ARMC2: variants seen among roughly 807,000 people sequenced by gnomAD.
ARMC2 encodes armadillo repeat-containing protein 2.
A neutral mutation model predicts 90.3 loss-of-function variants in ARMC2; 67 were observed. That is an observed-to-expected ratio of 0.74 (90% CI 0.61 to 0.91). The LOEUF (loss-of-function observed/expected upper bound fraction) is 0.91, where lower values mean the gene tolerates loss of function less well. ARMC2 is among the 40% of genes least tolerant of loss of function. The pLI is 0.00. For synonymous variants in ARMC2, 393 were observed against 393.0 expected (o/e 1.00, Z 0.00); for missense variants, 920 against 1,030.9 (o/e 0.89, Z 1.47).
chr6:109,008,937 T>A, the ARMC2 span: 2 of 990,876 alleles, frequency 2.0e-6, no homozygotes, highest in Non-Finnish European at 2.4e-6. Flanking sequence ...GGCTAAATAA[T>A]CTGTTTTCAC....
In ARMC2 at chr6:108,965,058, C is replaced by T. The variant is rs1778266094; in HGVS notation, c.2364C>T (p.Phe788=). 6.2e-7 allele frequency: 1 copy of T among 1,613,574 alleles called. No individual in the cohort carries two copies. The highest frequency in any genetic ancestry group is 1.3e-5 in the African/African-American group (1 of 74,916). ...ACLVCKTLWN[F]SENITNASSC... is the part of the protein sequence containing the mutation. The stretch of plus-strand genomic sequence containing the variant: ...TGGTTTGTAAAACTTTATGGAACTT[C>T]AGTGAAAACATCACTAATGCTTCGT... Residue 788 remains phenylalanine (F), a synonymous_variant, in exon 17 of 18, where the codon TTC becomes TTT. Coordinates refer to ENST00000392644, the MANE Select transcript of ARMC2 (RefSeq NM_032131.6).
intron 13 of ARMC2, among the ~76,000 whole-genome samples, chr6:108,954,926 G>C (rs1183437630): frequency 6.6e-6 from 1 of 152,234 alleles, no homozygotes; most frequent in African/African-American, 2.4e-5. Context: ...CTGAGACCGA[G>C]ATGCCGGCAG....
At chr6:108,942,405 A>T (rs1160293887) in intron 12 of ARMC2, among the ~76,000 whole-genome samples, 1 of 152,110 alleles carries the variant, frequency 6.6e-6, no homozygotes, top group Non-Finnish European at 1.5e-5. Context: ...TCTTAGTTTC[A>T]TGTTTCCCAT....
chr6:109,003,486 G>A, the ARMC2 span, among the ~76,000 whole-genome samples: 2 of 152,042 alleles, frequency 1.3e-5, no homozygotes, highest in African/African-American at 4.8e-5. Flanking sequence ...AAGCAGGAAG[G>A]ACAAAAGTGA....
At chr6:109,025,235 C>A in the ARMC2 span, among the ~76,000 whole-genome samples, 2 of 151,942 alleles carry the variant, frequency 1.3e-5, no homozygotes, top group Admixed American at 6.6e-5. Flanking sequence ...GGGGTAAAAT[C>A]TCCCCTGAAT....
chr6:108,876,713 G>A (rs1434293982), intron 5 of ARMC2, among the ~76,000 whole-genome samples: 5 of 152,150 alleles, frequency 3.3e-5, no homozygotes, highest in Admixed American at 1.3e-4. Context: ...CTCCCTTTGG[G>A]TTAGTTCACA....
At chr6:108,964,738 C>T (rs748273319) in intron 16 of ARMC2, among the ~76,000 whole-genome samples, 2 of 151,538 alleles carry the variant, frequency 1.3e-5, no homozygotes, top group African/African-American at 2.4e-5. Flanking sequence ...TGCGGTGAGC[C>T]GAGATCGCGC....
chr6:108,935,126 C>T (rs919065055), intron 11 of ARMC2, among the ~76,000 whole-genome samples: 11 of 152,150 alleles, frequency 7.2e-5, no homozygotes, highest in Non-Finnish European at 1.3e-4. Flanking sequence ...CTTGCCTCTT[C>T]ATTGTTAATA....
intron 3 of ARMC2, among the ~76,000 whole-genome samples, chr6:108,859,860 T>C (rs71558332): frequency 6.6e-5 from 10 of 152,230 alleles, no homozygotes; most frequent in Non-Finnish European, 1.0e-4. Flanking sequence ...CAAAATTAGC[T>C]GGGCATGGTG....
the ARMC2 span, among the ~76,000 whole-genome samples, chr6:109,006,623 T>C: frequency 6.6e-6 from 1 of 152,176 alleles, no homozygotes; most frequent in South Asian, 2.1e-4. Context: ...ATTATTCTTT[T>C]GAGCCTCTTT....
At chr6:108,998,395 G>T in the ARMC2 span, 1 of 1,152,012 alleles carries the variant, frequency 8.7e-7, no homozygotes, top group Non-Finnish European at 1.2e-6. Flanking sequence ...AGATATAGGG[G>T]CCCAATATCT....
the ARMC2 span, among the ~76,000 whole-genome samples, chr6:108,982,117 C>G: frequency 1.3e-4 from 20 of 152,312 alleles, no homozygotes; most frequent in Non-Finnish European, 1.5e-5. Context: ...TTGCAAATCT[C>G]TCTTTGAGAT....
the ARMC2 span, among the ~76,000 whole-genome samples, chr6:109,040,739 G>A: frequency 2.7e-5 from 4 of 150,012 alleles, no homozygotes; most frequent in African/African-American, 9.8e-5. Flanking sequence ...TGCAAGCTCT[G>A]CCTCCTGGGT....
chr6:108,950,559 T>C (rs1470946721), intron 12 of ARMC2, among the ~76,000 whole-genome samples: 1 of 151,984 alleles, frequency 6.6e-6, no homozygotes, highest in Non-Finnish European at 1.5e-5. Flanking sequence ...CACTTATAAG[T>C]GGGAGCTAAA....
chr6:109,015,683 G>A, the ARMC2 span, among the ~76,000 whole-genome samples: 10 of 152,100 alleles, frequency 6.6e-5, no homozygotes, highest in Non-Finnish European at 1.3e-4. Context: ...ATGTGAGGGG[G>A]AAATGGACGG....
intron 6 of ARMC2, among the ~76,000 whole-genome samples, chr6:108,895,236 G>A (rs190834295): frequency 0.017 from 2,548 of 150,690 alleles, 37 homozygotes; most frequent in Non-Finnish European, 0.027. Context: ...ACTGAGGCAG[G>A]CGGATCACTT....
At chr6:108,919,304 T>C (rs966017659) in intron 10 of ARMC2, among the ~76,000 whole-genome samples, 1 of 152,254 alleles carries the variant, frequency 6.6e-6, no homozygotes, top group Non-Finnish European at 1.5e-5. Flanking sequence ...TAGATAATTA[T>C]AAGTATGTGT....
At chr6:108,987,808 T>A in the ARMC2 span, among the ~76,000 whole-genome samples, 1 of 147,006 alleles carries the variant, frequency 6.8e-6, no homozygotes, top group Non-Finnish European at 1.5e-5. Context: ...GCAGCTATCT[T>A]TTTTTTTTTT....
chr6:108,878,736 G>T (rs1777175480), intron 5 of ARMC2, among the ~76,000 whole-genome samples: 1 of 152,164 alleles, frequency 6.6e-6, no homozygotes, highest in South Asian at 2.1e-4. Flanking sequence ...CCTTGTGTCA[G>T]TTATGATAGT....
Sources: gnomAD v4.1 joint callset for allele counts (sites outside exome capture counted in the v4.1 genomes callset) on GRCh38, gnomAD v4.1.1 for gene constraint, MANE v1.5 for transcripts, NCBI Gene and HGNC (gene_info 2026-07-23, HGNC 2026-07-21) for gene names.